Variants in HAO1 observed in about 807,000 individuals in gnomAD.
HAO1 encodes the protein hydroxyacid oxidase 1.
In HAO1, 34 loss-of-function variants were observed where a neutral mutation model predicts 39.7. That is an observed-to-expected ratio of 0.86 (90% CI 0.65 to 1.14). The LOEUF (loss-of-function observed/expected upper bound fraction) is 1.14. Ranked by LOEUF, HAO1 falls within the 50% of genes most tolerant of loss-of-function variation. HAO1 has a pLI of 0.00. For synonymous variants in HAO1, 172 were observed against 173.2 expected, an observed-to-expected ratio of 0.99 and a Z score of 0.05; for missense variants, 479 against 464.5, an observed-to-expected ratio of 1.03 and a Z score of -0.29.
intron 2 of HAO1, among the ~76,000 whole-genome samples, chr20:7,923,096 G>A (rs1423992360): frequency 6.6e-6 from 1 of 152,112 alleles, no homozygotes; most frequent in Non-Finnish European, 1.5e-5. Flanking sequence ...CCATTCAATA[G>A]AGGGTTGGCT....
chr20:7,923,767 C>G (rs2247663), intron 2 of HAO1, among the ~76,000 whole-genome samples: 47,509 of 152,002 alleles, frequency 0.31, 8,849 homozygotes, highest in East Asian at 0.51. Flanking sequence ...GTCTGTAGTG[C>G]GACCTAAGAT....
chr20:7,915,237 G>T (rs1281387018), intron 2 of HAO1, among the ~76,000 whole-genome samples: 1 of 152,134 alleles, frequency 6.6e-6, no homozygotes, highest in Non-Finnish European at 1.5e-5. Flanking sequence ...TTTTAGATGA[G>T]ATTAACATTT....
chr20:7,892,397 T>C (rs2050178276), intron 5 of HAO1, among the ~76,000 whole-genome samples: 1 of 152,180 alleles, frequency 6.6e-6, no homozygotes, highest in Non-Finnish European at 1.5e-5. Context: ...AATCCTACAA[T>C]ATACAAAGAC....
intron 2 of HAO1, among the ~76,000 whole-genome samples, chr20:7,933,638 TC>T (rs996555440): frequency 6.6e-6 from 1 of 152,230 alleles, no homozygotes; most frequent in Non-Finnish European, 1.5e-5. Context: ...ATTCACAAGA[TC>T]CTTAATTCTT....
intron 4 of HAO1, among the ~76,000 whole-genome samples, chr20:7,896,880 C>G (rs1041861091): frequency 6.6e-6 from 1 of 152,186 alleles, no homozygotes; most frequent in South Asian, 2.1e-4. Flanking sequence ...GTTGTGGCTA[C>G]TCACAAGACA....
Position 7,885,525 on chromosome 20 carries a change from C to G in HAO1, c.1038G>C (p.Leu346=). ...GTAAACAAGAATGAGTCTTACCACTCAGAGCCATGGCCAACCGGAATTCTT... is the reference window on the plus strand; with the variant it reads ...GTAAACAAGAATGAGTCTTACCACTGAGAGCCATGGCCAACCGGAATTCTT... ...LKEEFRLAMA[L]SGCQNVKVID... The change falls in exon 7 of 8, where the codon CTG becomes CTC. Residue 346 remains leucine (L), a synonymous_variant. Transcript: ENST00000378789. The G allele has an allele frequency of 6.2e-7, 1 of 1,603,014 alleles. No homozygotes were observed. Among genetic ancestry groups the G allele is most frequent in the Non-Finnish European group, 8.5e-7 (1 of 1,169,938 alleles).
chr20:7,916,184 G>A (rs1330966115), intron 2 of HAO1, among the ~76,000 whole-genome samples: 4 of 151,592 alleles, frequency 2.6e-5, no homozygotes, highest in African/African-American at 7.3e-5. Flanking sequence ...TAGTAAAATT[G>A]GAGTAAAATT....
rs2050401284 is a variant in HAO1, at chr20:7,934,566, C to G, written c.207G>C (p.Gln69His). ...CCACACATATTGGCATGCTGACCCT[C>G]TGTCCTAAAACAGAAGTCGACAGAT... is the stretch of plus-strand genomic sequence containing the variant. Reference protein sequence around the residue: ...ETDLSTSVLGQRVSMPICVGA... With the variant: ...ETDLSTSVLGHRVSMPICVGA... The change falls in exon 2 of 8, where the codon CAG (glutamine) becomes CAC (histidine). Residue 69 changes from glutamine to histidine, a missense_variant. By Grantham distance (24) the Gln-to-His change is conservative. Transcript: ENST00000378789. The G allele has an allele frequency of 1.2e-6, 2 of 1,613,102 alleles. No homozygotes were observed. Among genetic ancestry groups the G allele is most frequent in the Non-Finnish European group, 1.7e-6 (2 of 1,179,208 alleles).
chr20:7,939,901 G>C (rs984971846), intron 1 of HAO1, among the ~76,000 whole-genome samples: 2 of 152,156 alleles, frequency 1.3e-5, no homozygotes. Context: ...ATCCAGTCTG[G>C]TTCATCCGGA....
chr20:7,884,157 T>A (rs1050667122), intron 7 of HAO1, among the ~76,000 whole-genome samples: 2 of 152,208 alleles, frequency 1.3e-5, no homozygotes, highest in Admixed American at 1.3e-4. Context: ...TAGCTACAGG[T>A]TCTTTCTGAG....
At chr20:7,915,858 A>C (rs1011629473) in intron 2 of HAO1, among the ~76,000 whole-genome samples, 2 of 152,210 alleles carry the variant, frequency 1.3e-5, no homozygotes, top group Non-Finnish European at 2.9e-5. Flanking sequence ...AACAAACTAC[A>C]TGCTAATGAT....
chr20:7,912,764 A>G (rs1236222143), intron 3 of HAO1, among the ~76,000 whole-genome samples: 1 of 152,172 alleles, frequency 6.6e-6, no homozygotes, highest in Non-Finnish European at 1.5e-5. Flanking sequence ...TATGTGGAAC[A>G]GTTTTATTGG....
rs116628978 is a variant in HAO1, at chr20:7,933,268, C to A, written c.289+1216G>T. On this transcript the variant is annotated intron_variant, in intron 2 of 7. Transcript: ENST00000378789. ...ACAGTCTCATATTTTTTTTCCATTT[C>A]TTTCAGTTTACCATTTACTTTTTAT... is the stretch of plus-strand genomic sequence containing the variant. 2.7e-3 allele frequency among the ~76,000 whole-genome samples: 411 copies of A among 151,830 alleles called. 5 individuals are homozygous for A. The highest frequency in any genetic ancestry group is 9.0e-3 in the African/African-American group (373 of 41,426).
At chr20:7,908,718 C>T (rs1343948819) in intron 3 of HAO1, among the ~76,000 whole-genome samples, 1 of 152,120 alleles carries the variant, frequency 6.6e-6, no homozygotes, top group Non-Finnish European at 1.5e-5. Context: ...CCCATCTAGT[C>T]ATTGGGCTTT....
rs138805595 is a variant in HAO1, at chr20:7,938,682, CA to C, written c.137+1603del. Among the ~76,000 whole-genome samples, 1,237 of 152,112 alleles carry C rather than the reference CA, an allele frequency of 8.1e-3. 20 individuals are homozygous for C. Among genetic ancestry groups the C allele is most frequent in the African/African-American group, 0.027 (1,131 of 41,474 alleles). ...ATCCTCTCTGAGACCTCCACTTGGC[CA>C]ACTATTTTGGGCCCATTTTGCATCA... On this transcript the variant is annotated intron_variant, in intron 1 of 7. Transcript: ENST00000378789.
chr20:7,904,800 G>A (rs983528256), intron 4 of HAO1, among the ~76,000 whole-genome samples: 4 of 152,148 alleles, frequency 2.6e-5, no homozygotes, highest in African/African-American at 9.7e-5. Context: ...ATGGATGAAT[G>A]AATAAATAAA....
At chr20:7,902,578 C>G (rs2050225868) in intron 4 of HAO1, among the ~76,000 whole-genome samples, 2 of 152,080 alleles carry the variant, frequency 1.3e-5, no homozygotes, top group Admixed American at 6.5e-5. Flanking sequence ...ATGTGACTTG[C>G]TTTATTGTGG....
At chr20:7,897,480 A>G (rs1379916654) in intron 4 of HAO1, among the ~76,000 whole-genome samples, 2 of 151,650 alleles carry the variant, frequency 1.3e-5, no homozygotes, top group African/African-American at 4.8e-5. Context: ...TATTGTTCTC[A>G]TTGTTGTTTT....
At position 7,940,397 on chromosome 20, in the gene HAO1, T is replaced by C. The variant is rs1381014504; in HGVS notation, c.26A>G (p.Asn9Ser). Residue 9 changes from asparagine (N) to serine (S), a missense_variant, in exon 1 of 8, where the codon AAT (asparagine) becomes AGT (serine). By Grantham distance (46) the Asn-to-Ser change is conservative (BLOSUM62 1). Coordinates refer to ENST00000378789, the MANE Select transcript of HAO1 (RefSeq NM_017545.3). ...TGATTTAGCATGTTGTTCATAATCA[T>C]TGATACAAATTAGCCGGGGGAGCAT... is the stretch of plus-strand genomic sequence containing the variant. MLPRLICI[N>S]DYEQHAKSVL... 1.2e-6 allele frequency: 2 copies of C among 1,610,686 alleles called. No homozygotes were observed. The highest frequency in any genetic ancestry group is 1.7e-6 in the Non-Finnish European group (2 of 1,178,938).
Sources: allele counts gnomAD v4.1 joint callset (sites outside exome capture counted in the v4.1 genomes callset), GRCh38; gene constraint gnomAD v4.1.1; transcripts MANE v1.5; gene names NCBI Gene and HGNC (gene_info 2026-07-23, HGNC 2026-07-21).